ZNF608: variants seen among roughly 807,000 people sequenced by gnomAD.
ZNF608 encodes zinc finger protein 608, also known as renal carcinoma antigen NY-REN-36.
Under a neutral mutation model 109.0 loss-of-function variants are expected in ZNF608, and 12 were observed. That is an observed-to-expected ratio of 0.11 (90% CI 0.07 to 0.18). The LOEUF is 0.18. Among genes scored for constraint, ZNF608 ranks in the 10% least tolerant of loss-of-function variants. The probability of loss-of-function intolerance (pLI) is 1.00; values close to 1 mark genes in which losing one functional copy is unlikely to be tolerated. For missense variants in ZNF608, 1,707 were observed against 1,879.3 expected, an observed-to-expected ratio of 0.91 and a Z score of 1.70; for synonymous variants, 732 against 717.4, an observed-to-expected ratio of 1.02 and a Z score of -0.33.
chr5:124,648,932 A>G lies in ZNF608; in HGVS notation c.1452T>C (p.Asn484=), dbSNP rs1750661631. 6.2e-7 allele frequency: 1 copy of G among 1,613,976 alleles called. No homozygotes were observed. Among genetic ancestry groups the G allele is most frequent in the Admixed American group, 1.7e-5 (1 of 59,992 alleles). Residue 484 remains asparagine, a synonymous_variant, in exon 5 of 10, where the codon AAT becomes AAC. Coordinates refer to ENST00000513986, the MANE Select transcript of ZNF608 (RefSeq NM_020747.3). ...LNASGRRTPP[N]CAAEDIKASP... ...TGGCTTTGATATCCTCAGCAGCACAATTTGGGGGTGTCCTTCGTCCGCTGG... is the reference window on the plus strand; with the variant it reads ...TGGCTTTGATATCCTCAGCAGCACAGTTTGGGGGTGTCCTTCGTCCGCTGG...
rs145054485 is a variant in ZNF608, at chr5:124,648,162, G to A, written c.2222C>T (p.Ala741Val). 6.2e-6 allele frequency: 10 copies of A among 1,609,072 alleles called. No homozygotes were observed. The highest frequency in any genetic ancestry group is 8.5e-6 in the Non-Finnish European group (10 of 1,176,194). The change falls in exon 5 of 10, where the codon GCC (alanine) becomes GTC (valine). Residue 741 changes from alanine (A) to valine (V), a missense_variant. This residue lies in a region of ZNF608 where 1,073 missense variants were observed against 1,133.5 expected (regional missense o/e 0.95). Transcript: ENST00000513986. ...KLKSARPIAP[A>V]PAPTPPQLIA... ...TAGCTGCGGGGGAGTGGGGGCTGGGGCAGGGGCAATGGGCCGGGCACTTTT... is the reference window on the plus strand; with the variant it reads ...TAGCTGCGGGGGAGTGGGGGCTGGGACAGGGGCAATGGGCCGGGCACTTTT...
At chr5:124,713,156 T>C (rs1000478513) in intron 2 of ZNF608, among the ~76,000 whole-genome samples, 1 of 152,182 alleles carries the variant, frequency 6.6e-6, no homozygotes, top group African/African-American at 2.4e-5. Flanking sequence ...CTCCTTCCCT[T>C]CTCTCTTACT....
At chr5:124,739,770 G>A (rs1191628692) in intron 2 of ZNF608, among the ~76,000 whole-genome samples, 1 of 152,074 alleles carries the variant, frequency 6.6e-6, no homozygotes, top group African/African-American at 2.4e-5. Flanking sequence ...CACAGACACC[G>A]TCGAAACTGG....
rs1274215028 is a variant in ZNF608 at position 124,643,677 on chromosome 5, T to C, written c.4130A>G (p.Tyr1377Cys). 6.2e-7 allele frequency: 1 copy of C among 1,614,024 alleles called. No individual in the cohort carries two copies. Among genetic ancestry groups the C allele is most frequent in the African/African-American group, 1.3e-5 (1 of 74,932 alleles). The change falls in exon 7 of 10, where the codon TAT (tyrosine) becomes TGT (cysteine). Residue 1377 changes from tyrosine to cysteine, a missense_variant. By Grantham distance (194) the Tyr-to-Cys change is radical (BLOSUM62 -2). Around this residue, in one of 7 missense-constraint regions of ZNF608, gnomAD observed 1,073 missense variants for 1,133.5 expected, o/e 0.95. Coordinates refer to ENST00000513986, the MANE Select transcript of ZNF608 (RefSeq NM_020747.3). ...AGGATAATGAAATCCTGGAGAGAGATATGCCCCTGCAGATAAACAACAAAT... is the reference window on the plus strand; with the variant it reads ...AGGATAATGAAATCCTGGAGAGAGACATGCCCCTGCAGATAAACAACAAAT... ...PVLMHSYPGAYLSPGFHYPVY... is the reference protein window; with the variant it reads ...PVLMHSYPGACLSPGFHYPVY...
chr5:124,676,138 T>C (rs1029695863), intron 3 of ZNF608, among the ~76,000 whole-genome samples: 46 of 152,182 alleles, frequency 3.0e-4, no homozygotes, highest in Admixed American at 2.4e-3. Flanking sequence ...TAGTGTGTTC[T>C]CAACATTAAA....
chr5:124,694,993 T>C (rs1358626619), intron 3 of ZNF608, among the ~76,000 whole-genome samples: 3 of 152,120 alleles, frequency 2.0e-5, no homozygotes, highest in African/African-American at 4.8e-5. Flanking sequence ...GTAGAGTTCA[T>C]GTTGAGGCTC....
At position 124,641,337 on chromosome 5, in the gene ZNF608, G is replaced by A. The variant is rs754260855; in HGVS notation, c.4365C>T (p.Phe1455=). 17 of 1,613,912 alleles carry A rather than the reference G, an allele frequency of 1.1e-5. No homozygotes were observed. Among genetic ancestry groups the A allele is most frequent in the South Asian group, 4.4e-5 (4 of 91,074 alleles). ...AERERDRHSP[F]GQRHLHTHHH... ...GGTGCGTGTGCAGGTGCCGCTGGCC[G>A]AAGGGGGAGTGGCGATCCCTTTCCC... The change falls in exon 8 of 10, where the codon TTC becomes TTT. Residue 1455 remains phenylalanine, a synonymous_variant. Transcript: ENST00000513986.
Position 124,648,005 on chromosome 5 carries a change from T to A in ZNF608, c.2379A>T (p.Thr793=). 1 of 1,614,220 alleles carries A rather than the reference T, an allele frequency of 6.2e-7. No individual in the cohort carries two copies. The highest frequency in any genetic ancestry group is 8.5e-7 in the Non-Finnish European group (1 of 1,180,036). ...PPLKPIQPKP[T]IMGEPITVNP... ...TCACGGTGATGGGCTCTCCCATAATTGTGGGCTTTGGTTGAATGGGTTTTA... is the reference window on the plus strand; with the variant it reads ...TCACGGTGATGGGCTCTCCCATAATAGTGGGCTTTGGTTGAATGGGTTTTA... Residue 793 remains threonine (T), a synonymous_variant, in exon 5 of 10, where the codon ACA becomes ACT. Transcript: ENST00000513986.
chr5:124,740,717 G>A (rs1386594177), intron 2 of ZNF608, among the ~76,000 whole-genome samples: 2 of 152,142 alleles, frequency 1.3e-5, no homozygotes, highest in Non-Finnish European at 2.9e-5. Context: ...CTTAATGAAA[G>A]CAATATGATA....
intron 2 of ZNF608, among the ~76,000 whole-genome samples, chr5:124,705,960 C>T (rs954716349): frequency 6.6e-6 from 1 of 152,206 alleles, no homozygotes; most frequent in African/African-American, 2.4e-5. Flanking sequence ...GTGCAACCTG[C>T]TAGAACAAGA....
intron 3 of ZNF608, among the ~76,000 whole-genome samples, chr5:124,662,049 T>A (rs1187799303): frequency 1.3e-5 from 2 of 152,200 alleles, no homozygotes; most frequent in Non-Finnish European, 2.9e-5. Context: ...GGTGATTTTG[T>A]TTTTTCATGA....
Position 124,647,579 on chromosome 5 carries a change from G to C in ZNF608, c.2805C>G (p.Ser935Arg), listed in dbSNP as rs201940047. The C allele has an allele frequency of 4.3e-6, 7 of 1,614,228 alleles. No homozygotes were observed. The highest frequency in any genetic ancestry group is 5.9e-6 in the Non-Finnish European group (7 of 1,180,042). Residue 935 changes from serine (S) to arginine (R), a missense_variant, in exon 5 of 10, where the codon AGC becomes AGG. Transcript: ENST00000513986. ...CAGATATGTCTGAATAGGCCGGGCTGCTTGTCTTTGCAGCTGAACTCTCTG... is the reference window on the plus strand; with the variant it reads ...CAGATATGTCTGAATAGGCCGGGCTCCTTGTCTTTGCAGCTGAACTCTCTG... ...NGAESSAAKTSSPAYSDISDA... is the reference protein window; with the variant it reads ...NGAESSAAKTRSPAYSDISDA...
chr5:124,649,686 C>A lies in ZNF608; in HGVS notation c.1174G>T (p.Val392Phe). 6.3e-7 allele frequency: 1 copy of A among 1,599,590 alleles called. No homozygotes were observed. Among genetic ancestry groups the A allele is most frequent in the Non-Finnish European group, 8.5e-7 (1 of 1,170,440 alleles). The change falls in exon 4 of 10, where the codon GTC (valine) becomes TTC (phenylalanine). Residue 392 changes from valine (V) to phenylalanine (F), a missense_variant. By Grantham distance (50) the Val-to-Phe change is conservative. This residue lies in a region of ZNF608 where 166 missense variants were observed against 204.2 expected (regional missense o/e 0.81). Coordinates refer to ENST00000513986, the MANE Select transcript of ZNF608 (RefSeq NM_020747.3). ...WHETEEGVLV[V>F]NVTWRNKTYV... ...GTTTTGTTCCTCCACGTGACATTGA[C>A]CACTAGGACACCTGCAGGAGGCAGG...
chr5:124,708,777 G>A, intron 2 of ZNF608: 1 of 456,210 alleles, frequency 2.2e-6, no homozygotes, highest in South Asian at 1.5e-5. Context: ...GGTAGGACTT[G>A]GCCTGGGGAT....
rs746438966 is a variant in ZNF608, at chr5:124,649,619, G to T, written c.1241C>A (p.Ala414Asp). The T allele has an allele frequency of 6.8e-6, 11 of 1,611,322 alleles. No individual in the cohort carries two copies. In the Admixed American group the frequency reaches 1.3e-4, roughly 20 times the overall value. The change falls in exon 4 of 10, where the codon GCC becomes GAC. Residue 414 changes from alanine to aspartate, a missense_variant. This residue lies in a region of ZNF608 where 166 missense variants were observed against 204.2 expected (regional missense o/e 0.81). Coordinates refer to ENST00000513986, the MANE Select transcript of ZNF608 (RefSeq NM_020747.3). ...TLLDCTKHDW[A>D]PPRFCESPTS... ...AAGGCCCTGTTCATACCTGGGAGGG[G>T]CCCAGTCGTGCTTGGTGCAGTCCAG...
At chr5:124,666,581 A>G (rs977018843) in intron 3 of ZNF608, among the ~76,000 whole-genome samples, 2 of 152,182 alleles carry the variant, frequency 1.3e-5, no homozygotes, top group African/African-American at 4.8e-5. Context: ...GGAAAGAAAA[A>G]AACTTCAATT....
At chr5:124,679,770 C>T (rs142883576) in intron 3 of ZNF608, among the ~76,000 whole-genome samples, 288 of 152,242 alleles carry the variant, frequency 1.9e-3, no homozygotes, top group Middle Eastern at 3.4e-3. Context: ...TACACCCTGC[C>T]CCGTGGCTTG....
intron 2 of ZNF608, among the ~76,000 whole-genome samples, chr5:124,717,198 G>A (rs1047195563): frequency 6.6e-6 from 1 of 151,916 alleles, no homozygotes; most frequent in African/African-American, 2.4e-5. Context: ...AGGAGCAATG[G>A]CTCATGCCTG....
chr5:124,639,570 G>A (rs72781211), intron 8 of ZNF608, among the ~76,000 whole-genome samples: 2,703 of 152,250 alleles, frequency 0.018, 42 homozygotes, highest in Middle Eastern at 0.048. Flanking sequence ...TTACAGAAGC[G>A]GCATGCTATT....
Sources: gnomAD v4.1 joint callset for allele counts (sites outside exome capture counted in the v4.1 genomes callset) on GRCh38, gnomAD v4.1.1 for gene constraint, gnomAD v4.1.1 regional missense constraint, MANE v1.5 for transcripts, NCBI Gene and HGNC (gene_info 2026-07-23, HGNC 2026-07-21) for gene names.